The following TSC1 variants were observed in gnomAD, a reference collection of about 807,000 sequenced individuals.
TSC1 encodes the protein hamartin.
A neutral mutation model predicts 124.3 loss-of-function variants in TSC1; 20 were observed. The observed-to-expected ratio is 0.16, with a 90% CI of 0.11 to 0.23. The LOEUF is 0.23. Ranked by LOEUF, TSC1 falls within the 10% of genes least tolerant of loss-of-function variation. The pLI is 1.00. For synonymous variants in TSC1, 493 were observed against 539.1 expected (o/e 0.91, Z 1.19); for missense variants, 1,124 against 1,448.5 (o/e 0.78, Z 3.64).
chr9:132,921,936 G>A lies in TSC1; in HGVS notation c.546C>T (p.Ala182=), dbSNP rs1245007527. The change falls in exon 7 of 23, where the codon GCC becomes GCT. Residue 182 remains alanine (A), a synonymous_variant. Coordinates refer to ENST00000298552, the MANE Select transcript of TSC1 (RefSeq NM_000368.5). The surrounding 1 kb of genome is among the most constrained non-coding windows in gnomAD (Gnocchi z 4.3). ...GGCGATGAAAGAGTGCGTACACACTGGCATGGAGATGGACGAGATAGACTT... is the reference window on the plus strand; with the variant it reads ...GGCGATGAAAGAGTGCGTACACACTAGCATGGAGATGGACGAGATAGACTT... ...VAEVYLVHLH[A]SVYALFHRLY... is the part of the protein sequence containing the mutation. 2 of 1,614,042 alleles carry A rather than the reference G, an allele frequency of 1.2e-6. No individual in the cohort carries two copies. The highest frequency in any genetic ancestry group is 1.7e-6 in the Non-Finnish European group (2 of 1,180,022).
intron 1 of TSC1, among the ~76,000 whole-genome samples, chr9:132,938,359 A>G (rs1847568979): frequency 6.6e-6 from 1 of 152,228 alleles, no homozygotes; most frequent in African/African-American, 2.4e-5. Context: ...AAATTTAAAA[A>G]GAAACCTGCC....
rs1845489773 is a variant in TSC1 at position 132,903,560 on chromosome 9, G to C, written c.2208+91C>G. 1 of 1,594,594 alleles carries C rather than the reference G, an allele frequency of 6.3e-7. No individual in the cohort carries two copies. Among genetic ancestry groups the C allele is most frequent in the African/African-American group, 1.3e-5 (1 of 74,540 alleles). On this transcript the variant is annotated intron_variant, in intron 17 of 22. Coordinates refer to ENST00000298552, the MANE Select transcript of TSC1 (RefSeq NM_000368.5). The surrounding 1 kb of genome is among the most constrained non-coding windows in gnomAD (Gnocchi z 5.9). ...AGGAGTGGGAAGGACTGGGAACTCT[G>C]ACCTCCTCGGCTGCTGTGCTTTATA... is the stretch of plus-strand genomic sequence containing the variant.
intron 1 of TSC1, among the ~76,000 whole-genome samples, chr9:132,936,768 A>C (rs778849364): frequency 9.2e-5 from 14 of 152,180 alleles, no homozygotes; most frequent in Non-Finnish European, 1.3e-4. Flanking sequence ...AACTGGTAAG[A>C]TTTAATCAGC....
intron 8 of TSC1, among the ~76,000 whole-genome samples, chr9:132,915,662 G>C (rs1009726330): frequency 2.0e-5 from 3 of 152,166 alleles, no homozygotes; most frequent in Non-Finnish European, 4.4e-5. Flanking sequence ...CAAGTTTACA[G>C]AAAACAGCAC....
chr9:132,931,606 G>A lies in TSC1; in HGVS notation c.-80-2654C>T, dbSNP rs142125371. 3.5e-4 allele frequency among the ~76,000 whole-genome samples: 54 copies of A among 152,136 alleles called. 1 individual carries two copies. The East Asian group carries it at 9.3e-3, about 26-fold the overall frequency. ...CATTGGGTTTTATGTGAGATTCTTC[G>A]CATAAGTGGCTCAAGTTCAAGCATT... On this transcript the variant is annotated intron_variant, in intron 2 of 22. Transcript: ENST00000298552.
chr9:132,892,402 G>T lies in TSC1; in HGVS notation c.*3833C>A, dbSNP rs575812223. On this transcript the variant is annotated 3_prime_UTR_variant, in exon 23 of 23. Coordinates refer to ENST00000298552, the MANE Select transcript of TSC1 (RefSeq NM_000368.5). ...TACATTTTTCCAATACTTGTTGCGG[G>T]TCGGTTTTAAAGCATGTACCCTGGA... is the stretch of plus-strand genomic sequence containing the variant. 122 of 233,240 alleles carry T rather than the reference G, an allele frequency of 5.2e-4. No individual in the cohort carries two copies. Among genetic ancestry groups the T allele is most frequent in the Non-Finnish European group, 8.8e-4 (104 of 118,096 alleles). The allele number at this position is 233,240 out of a possible 1,614,324, so 14.4% of individuals were successfully genotyped here.
intron 22 of TSC1, 79 bp downstream of exon 22, chr9:132,897,105 T>TC: frequency 6.2e-7 from 1 of 1,606,386 alleles, no homozygotes; most frequent in South Asian, 1.1e-5. Flanking sequence ...AGTAACTGCT[T>TC]CCCACACCAC....
rs778671811 is a variant in TSC1 at position 132,921,860 on chromosome 9, T to C, written c.622A>G (p.Ser208Gly). The change falls in exon 7 of 23, where the codon AGT (serine) becomes GGT (glycine). Residue 208 changes from serine (S) to glycine (G), a missense_variant. Physicochemically the swap from Ser to Gly is moderately conservative, Grantham distance 56 (BLOSUM62 0). This residue lies in a region of TSC1 where 463 missense variants were observed against 606.8 expected (regional missense o/e 0.76). Transcript: ENST00000298552. The surrounding 1 kb of genome is among the most constrained non-coding windows in gnomAD (Gnocchi z 4.3). ...NFVSFLRSHY[S>G]MKENLETFEE... ...AAAGTCTCCAGGTTTTCTTTCATAC[T>C]GTAATGAGAACGCAAAAAGGAGACG... 1.2e-6 allele frequency: 2 copies of C among 1,614,188 alleles called. No individual in the cohort carries two copies. Among genetic ancestry groups the C allele is most frequent in the South Asian group, 1.1e-5 (1 of 91,088 alleles).
chr9:132,921,305 A>G lies in TSC1; in HGVS notation c.737+58T>C. The G allele has an allele frequency of 1.9e-6, 3 of 1,560,950 alleles. No individual in the cohort carries two copies. Among genetic ancestry groups the G allele is most frequent in the South Asian group, 1.1e-5 (1 of 89,546 alleles). The stretch of plus-strand genomic sequence containing the variant: ...TATACCTCAACAGGGATTACCTCCT[A>G]GATCACATTTTCAATCTCTCGAAAG... On this transcript the variant is annotated intron_variant, in intron 8 of 22. Coordinates refer to ENST00000298552, the MANE Select transcript of TSC1 (RefSeq NM_000368.5). This position sits in a 1 kb window ranked among gnomAD's most constrained non-coding sequence, Gnocchi z 4.3.
intron 2 of TSC1, among the ~76,000 whole-genome samples, chr9:132,930,496 G>A (rs1847143263): frequency 6.8e-6 from 1 of 147,318 alleles, no homozygotes; most frequent in African/African-American, 2.5e-5. Context: ...GCTGAGGCAG[G>A]AGAATCACTT....
At chr9:132,916,574 G>A (rs1846281172) in intron 8 of TSC1, among the ~76,000 whole-genome samples, 1 of 152,194 alleles carries the variant, frequency 6.6e-6, no homozygotes, top group South Asian at 2.1e-4. Flanking sequence ...ACTCATGGCT[G>A]AGCCACAGAG....
Position 132,903,628 on chromosome 9 carries a change from C to T in TSC1, c.2208+23G>A, listed in dbSNP as rs118203658. 1.4e-5 allele frequency: 23 copies of T among 1,611,794 alleles called. No homozygotes were observed. The highest frequency in any genetic ancestry group is 1.9e-5 in the Non-Finnish European group (23 of 1,179,778). ...AAAACAAAACAAAAAGCAAGCTCCA[C>T]CTGTCCCCTCCCCAGTCCTCACCAT... On this transcript the variant is annotated intron_variant, in intron 17 of 22. Transcript: ENST00000298552. The surrounding 1 kb of genome is among the most constrained non-coding windows in gnomAD (Gnocchi z 5.9).
intron 15 of TSC1, 115 bp from the exon 16 acceptor site, chr9:132,904,569 G>T: frequency 2.0e-6 from 2 of 1,011,408 alleles, no homozygotes; most frequent in Non-Finnish European, 3.1e-6. Context: ...ATCTGCAATG[G>T]CATAAGAATG....
At position 132,902,312 on chromosome 9, in the gene TSC1, A is replaced by G. The variant is rs1845422941; in HGVS notation, c.2391+293T>C. ...AGTTCTTAGGACATTCGTACTCACT[A>G]AGTTATTCAGATCTACTTAATGAGC... On this transcript the variant is annotated intron_variant, in intron 18 of 22. Transcript: ENST00000298552. The surrounding 1 kb of genome is among the most constrained non-coding windows in gnomAD (Gnocchi z 5.2). Among the ~76,000 whole-genome samples, 1 of 152,192 alleles carries G rather than the reference A, an allele frequency of 6.6e-6. No individual in the cohort carries two copies. The highest frequency in any genetic ancestry group is 6.5e-5 in the Admixed American group (1 of 15,276).
intron 8 of TSC1, among the ~76,000 whole-genome samples, chr9:132,914,281 A>T (rs558291447): frequency 1.4e-4 from 21 of 152,316 alleles, no homozygotes; most frequent in Middle Eastern, 3.4e-3. Context: ...ATAGAAACAG[A>T]CATACAACAA....
intron 2 of TSC1, among the ~76,000 whole-genome samples, chr9:132,930,973 A>G (rs1564507020): frequency 1.3e-5 from 2 of 152,230 alleles, no homozygotes; most frequent in Non-Finnish European, 1.5e-5. Context: ...TCAGGTACAT[A>G]TAAACACTCG....
intron 2 of TSC1, among the ~76,000 whole-genome samples, chr9:132,931,693 C>G (rs1219306010): frequency 2.6e-5 from 4 of 152,194 alleles, no homozygotes; most frequent in Admixed American, 1.3e-4. Context: ...AGTCCCACAA[C>G]TAGAATATCT....
At chr9:132,910,861 C>A in intron 11 of TSC1, 141 bp downstream of exon 11, 1 of 1,305,400 alleles carries the variant, frequency 7.7e-7, no homozygotes, top group Non-Finnish European at 1.1e-6. Context: ...TTTACACATT[C>A]TGAAAGCCCC....
At position 132,911,166 on chromosome 9, in the gene TSC1, A is replaced by G; in HGVS notation, c.1030-53T>C. ...GTGGCAAAGGAATGCTAAGTCATCC[A>G]CGAGGTTTATATCCATGGCCAGTGT... On this transcript the variant is annotated intron_variant, in intron 10 of 22. Coordinates refer to ENST00000298552, the MANE Select transcript of TSC1 (RefSeq NM_000368.5). The G allele has an allele frequency of 2.8e-6, 4 of 1,441,190 alleles. No individual in the cohort carries two copies. The South Asian group carries it at 4.6e-5, about 16-fold the overall frequency. 89.3% of individuals were successfully genotyped at this position (1,441,190 alleles called of 1,614,324 possible). A position where few individuals can be genotyped will look rare whatever the true frequency, so the allele number is the denominator to read the frequency against.
Sources: gnomAD v4.1 joint callset for allele counts (sites outside exome capture counted in the v4.1 genomes callset) on GRCh38, gnomAD v4.1.1 for gene constraint, gnomAD v4.1.1 regional missense constraint, Gnocchi (gnomAD v3.1) non-coding constraint, MANE v1.5 for transcripts, NCBI Gene and HGNC (gene_info 2026-07-23, HGNC 2026-07-21) for gene names.